The following OTUD7B variants were observed in gnomAD, a reference collection of about 807,000 sequenced individuals.
OTUD7B encodes OTU deubiquitinase 7B, also known as OTU domain-containing protein 7B.
OTUD7B carries 34 observed loss-of-function variants against 82.2 expected under a neutral mutation model. The observed-to-expected ratio is 0.41, with a 90% CI of 0.31 to 0.55. The LOEUF (loss-of-function observed/expected upper bound fraction) is 0.55, where lower values mean the gene tolerates loss of function less well. OTUD7B is among the 20% of genes least tolerant of loss of function. The pLI, the probability that OTUD7B is intolerant of heterozygous loss-of-function variation, is 0.20. For synonymous variants in OTUD7B, 398 were observed against 402.7 expected (o/e 0.99, Z 0.14); for missense variants, 944 against 1,062.1 (o/e 0.89, Z 1.55).
At chr1:150,056,982 G>A in the OTUD7B span, among the ~76,000 whole-genome samples, 2,153 of 152,152 alleles carry the variant, frequency 0.014, 36 homozygotes, top group African/African-American at 0.049. Context: ...TTAATTACAA[G>A]GAGAAAAATA....
At chr1:149,949,981 CT>C in intron 8 of OTUD7B, 112 bp downstream of exon 8, 2 of 1,457,142 alleles carry the variant, frequency 1.4e-6, no homozygotes. Flanking sequence ...TGATAACTTG[CT>C]TTTTCCCCAA....
At chr1:150,033,870 C>T in the OTUD7B span, among the ~76,000 whole-genome samples, 3,540 of 152,076 alleles carry the variant, frequency 0.023, 126 homozygotes, top group African/African-American at 0.081. Flanking sequence ...TACAGGTGTG[C>T]GCCACCACAC....
At chr1:150,059,990 A>C in the OTUD7B span, among the ~76,000 whole-genome samples, 1 of 152,228 alleles carries the variant, frequency 6.6e-6, no homozygotes, top group Admixed American at 6.5e-5. Flanking sequence ...ATTTTTAGTC[A>C]TCTCAACCAT....
intron 1 of OTUD7B, among the ~76,000 whole-genome samples, chr1:149,998,594 A>G (rs1652067894): frequency 6.6e-6 from 1 of 152,202 alleles, no homozygotes; most frequent in Non-Finnish European, 1.5e-5. Flanking sequence ...TTCCCTATCT[A>G]TTCCCTTTAA....
In OTUD7B at chr1:149,967,389, T is replaced by C. The variant is rs587666570; in HGVS notation, c.407A>G (p.Gln136Arg). The C allele has an allele frequency of 1.2e-6, 2 of 1,614,160 alleles. No homozygotes were observed. The highest frequency in any genetic ancestry group is 2.2e-5 in the East Asian group (1 of 44,886). The change falls in exon 4 of 12, where the codon CAG becomes CGG. Residue 136 changes from glutamine to arginine, a missense_variant. Gln to Arg is a conservative substitution (Grantham distance 43). This residue lies in a region of OTUD7B where 530 missense variants were observed against 625.6 expected (regional missense o/e 0.85). Transcript: ENST00000581312. Reference protein sequence around the residue: ...HPLEMPICAFQLPDLTVYNED... With the variant: ...HPLEMPICAFRLPDLTVYNED... ...ATTGTATACAGTGAGATCTGGAAGCTGGAAGGCACAGATGGGCATTTCCAG... is the reference window on the plus strand; with the variant it reads ...ATTGTATACAGTGAGATCTGGAAGCCGGAAGGCACAGATGGGCATTTCCAG...
intron 1 of OTUD7B, among the ~76,000 whole-genome samples, chr1:149,981,557 C>A (rs1263225976): frequency 6.6e-6 from 1 of 152,166 alleles, no homozygotes; most frequent in African/African-American, 2.4e-5. Flanking sequence ...TTAGACAAAG[C>A]ATTTCTTTAC....
chr1:150,067,142 G>T, the OTUD7B span: 1 of 152,254 alleles, frequency 6.6e-6, no homozygotes, highest in Admixed American at 6.5e-5. Context: ...CTTTCCCCCA[G>T]AAACATCCCT....
At chr1:150,007,120 C>T (rs964787793) in intron 1 of OTUD7B, among the ~76,000 whole-genome samples, 1 of 152,214 alleles carries the variant, frequency 6.6e-6, no homozygotes, top group Non-Finnish European at 1.5e-5. Context: ...CCACTCACAA[C>T]TTAGTCATTC....
intron 7 of OTUD7B, among the ~76,000 whole-genome samples, chr1:149,953,299 T>C (rs587655581): frequency 6.6e-6 from 1 of 152,342 alleles, no homozygotes; most frequent in African/African-American, 2.4e-5. Context: ...ATTTATAAAA[T>C]AGGGAATCCT....
the OTUD7B span, among the ~76,000 whole-genome samples, chr1:150,016,675 C>A: frequency 6.6e-6 from 1 of 152,126 alleles, no homozygotes; most frequent in Non-Finnish European, 1.5e-5. Flanking sequence ...TGGTCTTGAA[C>A]TCCTGACCTC....
the OTUD7B span, among the ~76,000 whole-genome samples, chr1:150,050,195 A>G: frequency 1.3e-5 from 2 of 151,158 alleles, no homozygotes; most frequent in African/African-American, 2.4e-5. Flanking sequence ...CCCTGTCTCA[A>G]AAAAAAAAGC....
chr1:149,994,108 C>T (rs1651771088), intron 1 of OTUD7B, among the ~76,000 whole-genome samples: 1 of 152,122 alleles, frequency 6.6e-6, no homozygotes, highest in African/African-American at 2.4e-5. Context: ...GAAACCAACC[C>T]TTCTAAGAGT....
chr1:149,996,855 G>T (rs1294727599), intron 1 of OTUD7B, among the ~76,000 whole-genome samples: 1 of 152,188 alleles, frequency 6.6e-6, no homozygotes, highest in Non-Finnish European at 1.5e-5. Flanking sequence ...GATAGGATAA[G>T]CATGGAAGAA....
chr1:149,944,759 C>G lies in OTUD7B; in HGVS notation c.1630G>C (p.Gly544Arg), dbSNP rs782204756. 6.2e-7 allele frequency: 1 copy of G among 1,613,844 alleles called. No homozygotes were observed. Among genetic ancestry groups the G allele is most frequent in the Admixed American group, 1.7e-5 (1 of 59,980 alleles). ...TTCTTCTTCTCCAGTGTCTCAGTGC[C>G]GCTGCTTCCTCCCAACCCTGTCCCC... ...GVGTGLGGSS[G>R]TETLEKKKKN... is the part of the protein sequence containing the mutation. The change falls in exon 12 of 12, where the codon GGC becomes CGC. Residue 544 changes from glycine (G) to arginine (R), a missense_variant. By Grantham distance (125) the Gly-to-Arg change is moderately radical (BLOSUM62 -2). Around this residue, in one of 3 missense-constraint regions of OTUD7B, gnomAD observed 412 missense variants for 418.7 expected, o/e 0.98. Coordinates refer to ENST00000581312, the MANE Select transcript of OTUD7B (RefSeq NM_020205.4).
intron 11 of OTUD7B, 138 bp from the exon 12 acceptor site, chr1:149,945,203 G>C: frequency 8.5e-7 from 1 of 1,180,134 alleles, no homozygotes; most frequent in Non-Finnish European, 1.2e-6. Flanking sequence ...GGTAGAAAAG[G>C]ATGGACACCT....
At chr1:150,006,491 T>C (rs1553786129) in intron 1 of OTUD7B, among the ~76,000 whole-genome samples, 3 of 152,182 alleles carry the variant, frequency 2.0e-5, no homozygotes, top group Non-Finnish European at 4.4e-5. Flanking sequence ...ATTAAACTCA[T>C]AGTGGGTCAC....
chr1:149,943,445 A>G lies in OTUD7B; in HGVS notation c.*412T>C, dbSNP rs1367478680. On this transcript the variant is annotated 3_prime_UTR_variant, in exon 12 of 12. Transcript: ENST00000581312. The stretch of plus-strand genomic sequence containing the variant: ...TCACTCCACCATGTGCTTTTTCCCA[A>G]CCTAAAGAACTTTGGTTTTATTGAC... The G allele has an allele frequency of 2.3e-5, 4 of 173,360 alleles. No homozygotes were observed. The highest frequency in any genetic ancestry group is 4.9e-5 in the Non-Finnish European group (4 of 81,854). The allele number at this position is 173,360 out of a possible 1,614,324, so 10.7% of individuals were successfully genotyped here. A position where few individuals can be genotyped will look rare whatever the true frequency, so the allele number is the denominator to read the frequency against.
intron 6 of OTUD7B, 57 bp from the exon 7 acceptor site, chr1:149,959,853 A>G: frequency 9.3e-7 from 1 of 1,078,490 alleles, no homozygotes; most frequent in Non-Finnish European, 1.4e-6. Flanking sequence ...TCTAAGAGGC[A>G]ATACCTATTC....
chr1:149,952,612 G>A (rs976996324), intron 7 of OTUD7B, among the ~76,000 whole-genome samples: 2 of 152,180 alleles, frequency 1.3e-5, no homozygotes, highest in South Asian at 4.1e-4. Context: ...CTAGAACCTT[G>A]AGGAATCGCC....
Sources: gnomAD v4.1 joint callset for allele counts (sites outside exome capture counted in the v4.1 genomes callset) on GRCh38, gnomAD v4.1.1 for gene constraint, gnomAD v4.1.1 regional missense constraint, MANE v1.5 for transcripts, NCBI Gene and HGNC (gene_info 2026-07-23, HGNC 2026-07-21) for gene names.